The following GPC6 variants were observed in gnomAD, a reference collection of about 807,000 sequenced individuals.
GPC6 encodes the protein glypican-6.
A neutral mutation model predicts 55.2 loss-of-function variants in GPC6; 14 were observed. The ratio of observed to expected loss-of-function variants is 0.25; its 90% CI spans 0.17 to 0.40. The LOEUF is 0.40. Among genes scored for constraint, GPC6 ranks in the 10% least tolerant of loss-of-function variants. The pLI, the probability that GPC6 is intolerant of heterozygous loss-of-function variation, is 1.00. For missense variants in GPC6, 641 were observed against 708.5 expected (o/e 0.90, Z 1.08); for synonymous variants, 278 against 259.6 (o/e 1.07, Z -0.68).
Position 93,830,331 on chromosome 13 carries a change from C to T in GPC6, c.497C>T (p.Ala166Val). The T allele has an allele frequency of 6.2e-7, 1 of 1,613,952 alleles. No homozygotes were observed. The highest frequency in any genetic ancestry group is 8.5e-7 in the Non-Finnish European group (1 of 1,179,924). The change falls in exon 3 of 9, where the codon GCT (alanine) becomes GTT (valine). Residue 166 changes from alanine to valine, a missense_variant. Coordinates refer to ENST00000377047, the MANE Select transcript of GPC6 (RefSeq NM_005708.5). ...NLEEMLNDFW[A>V]RLLERMFQLI... ...GAGGAAATGCTCAATGACTTTTGGG[C>T]TCGGCTCCTGGAACGGATGTTTCAG...
intron 6 of GPC6, among the ~76,000 whole-genome samples, chr13:94,371,919 A>C (rs560732727): frequency 6.6e-6 from 1 of 152,170 alleles, no homozygotes; most frequent in Non-Finnish European, 1.5e-5. Flanking sequence ...ATCACACTTA[A>C]GAAAATTAGC....
intron 1 of GPC6, among the ~76,000 whole-genome samples, chr13:93,447,869 A>T (rs2139297307): frequency 6.6e-6 from 1 of 152,346 alleles, no homozygotes; most frequent in Non-Finnish European, 1.5e-5. Flanking sequence ...AAAAGAGTTA[A>T]GTCTGATAGC....
At chr13:94,245,021 C>A (rs993840696) in intron 4 of GPC6, among the ~76,000 whole-genome samples, 1 of 152,000 alleles carries the variant, frequency 6.6e-6, no homozygotes. Flanking sequence ...CCTGCCTACC[C>A]CATGGTGTGT....
chr13:93,254,142 G>A (rs1876874355), intron 1 of GPC6, among the ~76,000 whole-genome samples: 1 of 152,052 alleles, frequency 6.6e-6, no homozygotes, highest in African/African-American at 2.4e-5. Flanking sequence ...GGGCAACATG[G>A]TAAGACCCTG....
At chr13:93,392,025 C>A (rs2139218923) in intron 1 of GPC6, among the ~76,000 whole-genome samples, 1 of 152,300 alleles carries the variant, frequency 6.6e-6, no homozygotes, top group Non-Finnish European at 1.5e-5. Flanking sequence ...CTGTAGGAAA[C>A]AACTTCTTAG....
intron 2 of GPC6, among the ~76,000 whole-genome samples, chr13:93,739,866 A>G (rs997850224): frequency 2.0e-5 from 3 of 152,226 alleles, no homozygotes; most frequent in African/African-American, 4.8e-5. Flanking sequence ...AAGAAGTCAC[A>G]CAGTAAATCA....
At chr13:93,529,164 A>G (rs1465531182) in intron 1 of GPC6, among the ~76,000 whole-genome samples, 1 of 152,190 alleles carries the variant, frequency 6.6e-6, no homozygotes, top group Non-Finnish European at 1.5e-5. Flanking sequence ...GAGCTCTGAA[A>G]TACTCTGTTG....
intron 2 of GPC6, among the ~76,000 whole-genome samples, chr13:93,684,345 C>A (rs776021825): frequency 1.1e-4 from 16 of 151,984 alleles, no homozygotes; most frequent in Non-Finnish European, 1.0e-4. Context: ...ACCACTACGC[C>A]CGGCTAATTT....
chr13:93,664,290 T>A (rs981119158), intron 2 of GPC6, among the ~76,000 whole-genome samples: 2 of 152,208 alleles, frequency 1.3e-5, no homozygotes, highest in Admixed American at 1.3e-4. Flanking sequence ...ATTTTCAAGA[T>A]CATGCTTTTA....
rs181162616 is a variant in GPC6 at position 93,748,633 on chromosome 13, A to G, written c.320-81521A>G. ...CATAATTAAGTCTTAAGAATTCTCT[A>G]AATTGGTTAATATTATTAGCAGTAA... On this transcript the variant is annotated intron_variant, in intron 2 of 8. Coordinates refer to ENST00000377047, the MANE Select transcript of GPC6 (RefSeq NM_005708.5). Among the ~76,000 whole-genome samples the G allele has an allele frequency of 4.6e-5, 7 of 152,166 alleles. No individual in the cohort carries two copies. In the East Asian group the frequency reaches 1.4e-3, roughly 29 times the overall value.
At chr13:93,987,283 C>G (rs575514038) in intron 3 of GPC6, among the ~76,000 whole-genome samples, 8 of 152,160 alleles carry the variant, frequency 5.3e-5, no homozygotes, top group African/African-American at 1.9e-4. Context: ...TTCAATTATG[C>G]ATCCATGCAT....
chr13:94,054,913 T>G (rs1483529496), intron 4 of GPC6, among the ~76,000 whole-genome samples: 1 of 152,110 alleles, frequency 6.6e-6, no homozygotes, highest in South Asian at 2.1e-4. Context: ...CAAACCCGAA[T>G]TAATCTTATT....
chr13:94,162,084 G>A (rs2138914725), intron 4 of GPC6, among the ~76,000 whole-genome samples: 1 of 152,250 alleles, frequency 6.6e-6, no homozygotes, highest in East Asian at 1.9e-4. Context: ...GGAATTATGG[G>A]AGCTTTAATT....
At chr13:93,531,446 C>T (rs1566407518) in intron 1 of GPC6, among the ~76,000 whole-genome samples, 1 of 152,156 alleles carries the variant, frequency 6.6e-6, no homozygotes, top group Middle Eastern at 3.4e-3. Flanking sequence ...GTTTCTTCTC[C>T]AGGATGCCTC....
At chr13:93,379,715 T>C (rs1293839443) in intron 1 of GPC6, among the ~76,000 whole-genome samples, 3 of 152,254 alleles carry the variant, frequency 2.0e-5, no homozygotes, top group East Asian at 1.9e-4. Context: ...GATTGTCTCG[T>C]TCGTTCAGTG....
chr13:93,883,649 T>C (rs1308771962), intron 3 of GPC6, among the ~76,000 whole-genome samples: 1 of 152,080 alleles, frequency 6.6e-6, no homozygotes, highest in Non-Finnish European at 1.5e-5. Flanking sequence ...TTTGAGGAGA[T>C]TCTTTGTTTT....
chr13:93,881,548 T>C (rs1874975037), intron 3 of GPC6, among the ~76,000 whole-genome samples: 1 of 152,066 alleles, frequency 6.6e-6, no homozygotes, highest in Non-Finnish European at 1.5e-5. Flanking sequence ...CAATGATTAC[T>C]TGGAGTCAAG....
At chr13:93,774,164 G>T (rs1053095045) in intron 2 of GPC6, among the ~76,000 whole-genome samples, 10 of 152,168 alleles carry the variant, frequency 6.6e-5, no homozygotes, top group African/African-American at 2.2e-4. Flanking sequence ...AGACCAATTT[G>T]CCAGCCAGGT....
chr13:93,995,010 T>G (rs963195308), intron 3 of GPC6, among the ~76,000 whole-genome samples: 2 of 152,102 alleles, frequency 1.3e-5, no homozygotes, highest in African/African-American at 4.8e-5. Flanking sequence ...TATACCTGTT[T>G]TTGCCTGATT....
Sources: gnomAD v4.1 joint callset for allele counts (sites outside exome capture counted in the v4.1 genomes callset) on GRCh38, gnomAD v4.1.1 for gene constraint, MANE v1.5 for transcripts, NCBI Gene and HGNC (gene_info 2026-07-23, HGNC 2026-07-21) for gene names.